The following TRERF1 variants were observed in gnomAD, a reference collection of about 807,000 sequenced individuals.
TRERF1 encodes transcriptional regulating factor 1.
In TRERF1, 27 loss-of-function variants were observed where a neutral mutation model predicts 122.9. That is an observed-to-expected ratio of 0.22 (90% confidence interval 0.16 to 0.30). TRERF1 has a LOEUF of 0.30. TRERF1 is among the 10% of genes least tolerant of loss of function. The pLI, the probability that TRERF1 is intolerant of heterozygous loss-of-function variation, is 1.00. For missense variants in TRERF1, 1,248 were observed against 1,560.3 expected, an observed-to-expected ratio of 0.80 and a Z score of 3.37; for synonymous variants, 636 against 641.7, an observed-to-expected ratio of 0.99 and a Z score of 0.13.
At chr6:42,234,103 G>A (rs182855212) in intron 16 of TRERF1, among the ~76,000 whole-genome samples, 32 of 152,184 alleles carry the variant, frequency 2.1e-4, no homozygotes, top group African/African-American at 5.1e-4. Context: ...CAGCACCTCC[G>A]CATTTATGAT....
chr6:42,352,733 T>TG (rs1337367089), intron 3 of TRERF1, among the ~76,000 whole-genome samples: 2 of 151,932 alleles, frequency 1.3e-5, no homozygotes, highest in African/African-American at 2.4e-5. Flanking sequence ...ATATAATAAC[T>TG]GGGGGGGAAA....
intron 17 of TRERF1, among the ~76,000 whole-genome samples, chr6:42,229,468 C>T (rs905274922): frequency 1.3e-5 from 2 of 152,206 alleles, no homozygotes; most frequent in African/African-American, 2.4e-5. Context: ...GATCTGCCCA[C>T]ACGCACTTGG....
intron 3 of TRERF1, among the ~76,000 whole-genome samples, chr6:42,347,217 T>C (rs1768467672): frequency 6.6e-6 from 1 of 152,174 alleles, no homozygotes; most frequent in South Asian, 2.1e-4. Flanking sequence ...CATCTCCCTC[T>C]TCCTTCTTAG....
intron 2 of TRERF1, among the ~76,000 whole-genome samples, chr6:42,368,430 T>C (rs1423974719): frequency 6.6e-6 from 1 of 152,044 alleles, no homozygotes; most frequent in Non-Finnish European, 1.5e-5. Context: ...AAATGACTCA[T>C]TTAGGAAGAG....
chr6:42,297,993 T>C (rs1001747958), intron 4 of TRERF1, among the ~76,000 whole-genome samples: 6 of 152,000 alleles, frequency 3.9e-5, no homozygotes, highest in Non-Finnish European at 7.4e-5. Flanking sequence ...TCTTCAAATA[T>C]GAGCAAGAAA....
At chr6:42,281,473 C>T (rs945762371) in intron 4 of TRERF1, among the ~76,000 whole-genome samples, 4 of 152,130 alleles carry the variant, frequency 2.6e-5, no homozygotes, top group South Asian at 2.1e-4. Context: ...AAATCTCTCC[C>T]TCTCTCTCCA....
At position 42,393,777 on chromosome 6, in the gene TRERF1, C is replaced by T. The variant is rs757890711; in HGVS notation, c.-453-30698G>A. 4.1e-4 allele frequency among the ~76,000 whole-genome samples: 62 copies of T among 152,164 alleles called. No individual in the cohort carries two copies. The highest frequency in any genetic ancestry group is 8.4e-4 in the Non-Finnish European group (57 of 68,032). The stretch of plus-strand genomic sequence containing the variant: ...AGAATGCTGTGCCACCACAGAAAGT[C>T]AGGTTTTAAAAGAGCAGTGTACAAC... On this transcript the variant is annotated intron_variant, in intron 2 of 17. Coordinates refer to ENST00000372922, the Ensembl canonical transcript of TRERF1. This position sits in a 1 kb window ranked among gnomAD's most constrained non-coding sequence, Gnocchi z 4.1.
intron 2 of TRERF1, among the ~76,000 whole-genome samples, chr6:42,383,183 T>C (rs550668507): frequency 6.6e-6 from 1 of 152,264 alleles, no homozygotes; most frequent in Non-Finnish European, 1.5e-5. Context: ...ATTCTGTCAC[T>C]GCACTCCACT....
intron 2 of TRERF1, among the ~76,000 whole-genome samples, chr6:42,364,191 T>A (rs1436680603): frequency 6.6e-6 from 1 of 152,032 alleles, no homozygotes; most frequent in Non-Finnish European, 1.5e-5. Context: ...TCCTCAAACA[T>A]CCAGGCAGGC....
At chr6:42,420,458 G>A (rs1029445102) in intron 2 of TRERF1, among the ~76,000 whole-genome samples, 1 of 152,034 alleles carries the variant, frequency 6.6e-6, no homozygotes, top group Non-Finnish European at 1.5e-5. Context: ...GAATGCTGCC[G>A]GCAGCCTCTC....
chr6:42,264,316 T>TTATA (rs1161483622), intron 7 of TRERF1, among the ~76,000 whole-genome samples: 1 of 152,242 alleles, frequency 6.6e-6, no homozygotes, highest in African/African-American at 2.4e-5. Context: ...AGCCTGATGA[T>TTATA]TATATTAGCT....
chr6:42,351,277 CCT>C (rs1581732851), intron 3 of TRERF1, among the ~76,000 whole-genome samples: 1 of 152,028 alleles, frequency 6.6e-6, no homozygotes. Flanking sequence ...AAGAATATTC[CCT>C]GATGAAATAA....
At chr6:42,361,856 A>G (rs889595379) in intron 3 of TRERF1, among the ~76,000 whole-genome samples, 4 of 152,160 alleles carry the variant, frequency 2.6e-5, no homozygotes, top group African/African-American at 7.2e-5. Flanking sequence ...TCTGGCTCTG[A>G]CTGAGGCTGC....
At chr6:42,243,879 CTTT>C (rs34858601) in intron 14 of TRERF1, among the ~76,000 whole-genome samples, 3 of 123,354 alleles carry the variant, frequency 2.4e-5, no homozygotes, top group Non-Finnish European at 3.3e-5. Context: ...TGCGCCCAGC[CTTT>C]TTTTTTTTTT....
intron 3 of TRERF1, among the ~76,000 whole-genome samples, chr6:42,320,677 T>C (rs1044822641): frequency 3.3e-5 from 5 of 152,116 alleles, no homozygotes; most frequent in Admixed American, 2.6e-4. Flanking sequence ...GTCCGGCTAA[T>C]TTTTGTATTT....
In TRERF1 at chr6:42,269,462, G is replaced by A. The variant is rs138805200; in HGVS notation, c.129C>T (p.Gly43=). 41 of 1,614,020 alleles carry A rather than the reference G, an allele frequency of 2.5e-5. No homozygotes were observed. The highest frequency in any genetic ancestry group is 4.0e-5 in the African/African-American group (3 of 74,882). ...GCGAGGCCTGAGGGGCATCCATTCCGCCCCCTGTAACTGCATTCCCATAGT... is the reference window on the plus strand; with the variant it reads ...GCGAGGCCTGAGGGGCATCCATTCCACCCCCTGTAACTGCATTCCCATAGT... Residue 43 remains glycine, a synonymous_variant, in exon 5 of 18, where the codon GGC becomes GGT. Coordinates refer to ENST00000372922, the Ensembl canonical transcript of TRERF1. The surrounding 1 kb of genome is among the most constrained non-coding windows in gnomAD (Gnocchi z 4.9).
At chr6:42,250,331 CCA>C (rs1309145869) in intron 13 of TRERF1, among the ~76,000 whole-genome samples, 1 of 152,196 alleles carries the variant, frequency 6.6e-6, no homozygotes, top group Non-Finnish European at 1.5e-5. Context: ...TATTTCTTAT[CCA>C]CAGTCTCACT....
chr6:42,277,668 T>C (rs1451437948), intron 4 of TRERF1, among the ~76,000 whole-genome samples: 3 of 152,108 alleles, frequency 2.0e-5, no homozygotes, highest in Admixed American at 6.5e-5. Flanking sequence ...CTAGGCAACA[T>C]AGTGAGACCC....
intron 4 of TRERF1, among the ~76,000 whole-genome samples, chr6:42,299,870 TAG>T (rs1785841731): frequency 6.6e-6 from 1 of 152,186 alleles, no homozygotes; most frequent in Non-Finnish European, 1.5e-5. Flanking sequence ...AGGCTGTAAA[TAG>T]CCACTGAAGA....
Sources: allele counts gnomAD v4.1 joint callset (sites outside exome capture counted in the v4.1 genomes callset), GRCh38; gene constraint gnomAD v4.1.1; non-coding constraint Gnocchi (gnomAD v3.1); transcripts MANE v1.5; gene names NCBI Gene and HGNC (gene_info 2026-07-23, HGNC 2026-07-21).